Variants in BTD observed in about 807,000 individuals in gnomAD.
The protein encoded by BTD is biotinidase, also known as biocytinase.
In BTD, 13 loss-of-function variants were observed where a neutral mutation model predicts 17.7. The observed-to-expected ratio is 0.74, with a 90% confidence interval of 0.48 to 1.17. The LOEUF (loss-of-function observed/expected upper bound fraction) is 1.17. Ranked by LOEUF, BTD falls within the 50% of genes most tolerant of loss-of-function variation. The probability of loss-of-function intolerance (pLI) is 0.00; values close to 1 mark genes in which losing one functional copy is unlikely to be tolerated. For missense variants in BTD, 674 were observed against 650.4 expected (o/e 1.04, Z -0.39); for synonymous variants, 240 against 245.2 (o/e 0.98, Z 0.20).
At chr3:15,707,893 G>C (rs998800723) in intron 3 of BTD, 2 of 1,583,730 alleles carry the variant, frequency 1.3e-6, no homozygotes, top group Non-Finnish European at 1.7e-6. Flanking sequence ...TAGAAATATT[G>C]ATCCTCCACT....
intron 2 of BTD, among the ~76,000 whole-genome samples, chr3:15,638,183 C>T (rs929805543): frequency 1.3e-5 from 2 of 152,140 alleles, no homozygotes; most frequent in African/African-American, 2.4e-5. Context: ...AGGATGAATA[C>T]ATTTACAGGT....
chr3:15,674,269 AGTAAAGAAAAAAGTG>A (rs2125623074), intron 3 of BTD, among the ~76,000 whole-genome samples: 1 of 151,414 alleles, frequency 6.6e-6, no homozygotes, highest in South Asian at 2.1e-4. Flanking sequence ...GTCTGGTAGC[AGTAAAGAAAAAAGTG>A]GGCATACTTT....
intron 1 of BTD, among the ~76,000 whole-genome samples, chr3:15,604,497 G>T (rs1327636282): frequency 2.6e-5 from 4 of 152,212 alleles, no homozygotes; most frequent in Admixed American, 6.5e-5. Context: ...AGGGCCTGTT[G>T]TGAAGGTCTC....
intron 1 of BTD, among the ~76,000 whole-genome samples, chr3:15,626,634 A>T (rs1002879626): frequency 9.9e-5 from 15 of 151,874 alleles, no homozygotes; most frequent in African/African-American, 3.4e-4. Context: ...AAAATTAGTC[A>T]CACATGGTAG....
rs1330155687 is a variant in BTD, at chr3:15,644,813, C to A, written c.897C>A (p.Ser299=). ...TGSGIHTPLE[S]FWYHDMENPK... Reference sequence around the variant, plus strand: ...GTGGCATACACACCCCTCTGGAGTCCTTTTGGTACCATGACATGGAAAATC... The same window carrying A: ...GTGGCATACACACCCCTCTGGAGTCATTTTGGTACCATGACATGGAAAATC... Residue 299 remains serine (S), a synonymous_variant, in exon 4 of 4, where the codon TCC becomes TCA. Coordinates refer to ENST00000643237, the MANE Select transcript of BTD (RefSeq NM_001370658.1). The A allele has an allele frequency of 6.2e-7, 1 of 1,614,230 alleles. No individual in the cohort carries two copies. Among genetic ancestry groups the A allele is most frequent in the South Asian group, 1.1e-5 (1 of 91,080 alleles).
At chr3:15,673,126 C>G (rs895887632) in intron 3 of BTD, among the ~76,000 whole-genome samples, 1 of 152,214 alleles carries the variant, frequency 6.6e-6, no homozygotes, top group Non-Finnish European at 1.5e-5. Flanking sequence ...GTTCCTCCCC[C>G]ACTTTCTCCT....
chr3:15,713,844 A>T (rs2072647899), downstream of BTD, among the ~76,000 whole-genome samples: 1 of 152,218 alleles, frequency 6.6e-6, no homozygotes, highest in African/African-American at 2.4e-5. Context: ...AATTAAGCAT[A>T]AGATTTTAGT....
chr3:15,658,915 A>G (rs2065896805), intron 3 of BTD, among the ~76,000 whole-genome samples: 1 of 152,190 alleles, frequency 6.6e-6, no homozygotes. Flanking sequence ...CTTGCCAAAA[A>G]TCATACAGGT....
chr3:15,694,360 C>T lies in BTD; in HGVS notation c.400-15700C>T, dbSNP rs76462650. On this transcript the variant is annotated intron_variant, in intron 3 of 3. Coordinates refer to the BTD transcript ENST00000672141. ...AAGTAAGCAAAAAATTGTAGAAATA[C>T]CACAGAATGTGTGTGTATACCATCT... Among the ~76,000 whole-genome samples, 644 of 152,212 alleles carry T rather than the reference C, an allele frequency of 4.2e-3. 4 individuals carry two copies. Among genetic ancestry groups the T allele is most frequent in the East Asian group, 0.019 (98 of 5,188 alleles).
intron 3 of BTD, among the ~76,000 whole-genome samples, chr3:15,691,958 T>C (rs1371435661): frequency 5.9e-5 from 9 of 152,038 alleles, no homozygotes; most frequent in Middle Eastern, 3.4e-3. Context: ...TGAGATCTCA[T>C]CTCTGCCAAA....
chr3:15,617,841 C>T, intron 1 of BTD, among the ~76,000 whole-genome samples: 1 of 152,180 alleles, frequency 6.6e-6, no homozygotes, highest in East Asian at 1.9e-4. Flanking sequence ...ATCATGTTGT[C>T]TTGATTACTA....
At position 15,674,196 on chromosome 3, in the gene BTD, A is replaced by AAAAAAAAAAAAG. The variant is rs1470515364; in HGVS notation, c.399+32141_399+32142insAAAAAAAAAGAA. Among the ~76,000 whole-genome samples the AAAAAAAAAAAAG allele has an allele frequency of 6.8e-4, 88 of 130,112 alleles. 1 individual carries two copies. Among genetic ancestry groups the AAAAAAAAAAAAG allele is most frequent in the East Asian group, 3.1e-3 (9 of 2,934 alleles). 85.4% of individuals were successfully genotyped at this position (130,112 alleles called of 152,430 possible). On this transcript the variant is annotated intron_variant, in intron 3 of 3. Transcript: ENST00000672141. ...CTTCAAAAAAAAAAAAAAAAAAAAA[A>AAAAAAAAAAAAG]AAGAAGAAGAACCGAAATTCAAGAG...
intron 4 of BTD, among the ~76,000 whole-genome samples, chr3:15,719,123 T>G (rs2073409467): frequency 6.6e-6 from 1 of 152,196 alleles, no homozygotes; most frequent in African/African-American, 2.4e-5. Context: ...TTAGGGCACT[T>G]TGTGACATCT....
At chr3:15,638,015 TTTTG>T (rs2065397766) in intron 2 of BTD, among the ~76,000 whole-genome samples, 1 of 152,210 alleles carries the variant, frequency 6.6e-6, no homozygotes, top group African/African-American at 2.4e-5. Flanking sequence ...GTTATATGTT[TTTTG>T]TTTGTTTGTT....
In BTD at chr3:15,677,507, A is replaced by G. The variant is rs772960155; in HGVS notation, c.400-32553A>G. 2.5e-6 allele frequency: 4 copies of G among 1,612,886 alleles called. No individual in the cohort carries two copies. In the Admixed American group the frequency reaches 6.7e-5, roughly 27 times the overall value. ...TGCTACAAGCCAAATGGAGGGCAGT[A>G]TTTTTACTGTTATCTTGTAAAGTCA... On this transcript the variant is annotated intron_variant, in intron 3 of 3. Transcript: ENST00000672141.
chr3:15,711,388 G>T (rs1354372965), exon 4 of BTD: 4 of 793,786 alleles, frequency 5.0e-6, no homozygotes, highest in African/African-American at 1.8e-5. Context: ...AAAACTATGG[G>T]TTCTTAAGTG....
At chr3:15,708,316 C>T (rs2071744390) in intron 3 of BTD, among the ~76,000 whole-genome samples, 1 of 152,106 alleles carries the variant, frequency 6.6e-6, no homozygotes, top group South Asian at 2.1e-4. Flanking sequence ...TAGCAGCAAT[C>T]CCAGTCCCAG....
intron 1 of BTD, among the ~76,000 whole-genome samples, chr3:15,618,303 C>G (rs1027577408): frequency 6.6e-6 from 1 of 152,120 alleles, no homozygotes; most frequent in East Asian, 1.9e-4. Flanking sequence ...TACAAAATAA[C>G]TTGTTGGGAT....
chr3:15,642,363 C>T (rs1410982488), intron 3 of BTD: 1 of 901,980 alleles, frequency 1.1e-6, no homozygotes, highest in East Asian at 2.7e-5. Flanking sequence ...TGCACCTCAT[C>T]CCATGCCCTT....
Sources: allele counts gnomAD v4.1 joint callset (sites outside exome capture counted in the v4.1 genomes callset), GRCh38; gene constraint gnomAD v4.1.1; transcripts MANE v1.5; gene names NCBI Gene and HGNC (gene_info 2026-07-23, HGNC 2026-07-21).